Variants in MAP1B observed in about 807,000 individuals in gnomAD.
MAP1B encodes the protein microtubule associated protein 1B.
Under a neutral mutation model 176.1 loss-of-function variants are expected in MAP1B, and 12 were observed. The ratio of observed to expected loss-of-function variants is 0.07; its 90% CI spans 0.04 to 0.11. The LOEUF is 0.11. Among genes scored for constraint, MAP1B ranks in the 10% least tolerant of loss-of-function variants. MAP1B has a pLI of 1.00. For synonymous variants in MAP1B, 1,044 were observed against 1,135.0 expected, an observed-to-expected ratio of 0.92 and a Z score of 1.61; for missense variants, 2,523 against 2,990.5, an observed-to-expected ratio of 0.84 and a Z score of 3.65.
Position 72,162,909 on chromosome 5 carries a change from ATGAGGGGTCTCTG to A in MAP1B, c.287-20830_287-20818del, listed in dbSNP as rs1176694717. Among the ~76,000 whole-genome samples, 4 of 152,242 alleles carry A rather than the reference ATGAGGGGTCTCTG, an allele frequency of 2.6e-5. No homozygotes were observed. In the East Asian group the frequency reaches 7.7e-4, roughly 29 times the overall value. On this transcript the variant is annotated intron_variant, in intron 2 of 6. Coordinates refer to ENST00000296755, the MANE Select transcript of MAP1B (RefSeq NM_005909.5). ...TTTCACTCATCATTTAAAGTTTGTC[ATGAGGGGTCTCTG>A]TGAAAGAAAAATATAGAGGAGCCTC...
At chr5:72,175,388 T>G (rs1266651705) in intron 2 of MAP1B, among the ~76,000 whole-genome samples, 1 of 152,170 alleles carries the variant, frequency 6.6e-6, no homozygotes, top group Non-Finnish European at 1.5e-5. Context: ...GCTTCTGTAC[T>G]TTGTTGAAGA....
chr5:72,194,423 T>C lies in MAP1B; in HGVS notation c.1068T>C (p.Val356=). ...MKNLISPDLG[V]VFLNVPENLK... ...ACCTCATCTCCCCTGACTTAGGAGT[T>C]GTATTTCTCAATGTACCTGAAAATC... is the stretch of plus-strand genomic sequence containing the variant. The change falls in exon 5 of 7, where the codon GTT becomes GTC. Residue 356 remains valine, a synonymous_variant. Coordinates refer to ENST00000296755, the MANE Select transcript of MAP1B (RefSeq NM_005909.5). This position sits in a 1 kb window ranked among gnomAD's most constrained non-coding sequence, Gnocchi z 7.2. 1.2e-6 allele frequency: 2 copies of C among 1,614,138 alleles called. No homozygotes were observed. The highest frequency in any genetic ancestry group is 1.7e-6 in the Non-Finnish European group (2 of 1,180,048).
At chr5:72,112,310 T>C (rs983414836) in intron 1 of MAP1B, among the ~76,000 whole-genome samples, 11 of 152,342 alleles carry the variant, frequency 7.2e-5, no homozygotes, top group Middle Eastern at 3.4e-3. Flanking sequence ...CAATCCACTG[T>C]CACCTTTAGA....
rs1273910441 is a variant in MAP1B at position 72,197,012 on chromosome 5, C to T, written c.3657C>T (p.Ser1219=). The T allele has an allele frequency of 3.7e-6, 6 of 1,614,196 alleles. No homozygotes were observed. The highest frequency in any genetic ancestry group is 5.1e-6 in the Non-Finnish European group (6 of 1,180,034). ...CTTCCATGGAGGAAGACAAATTCAG[C>T]AGATCTGCTTTACGTGATGCTTACT... ...PPSSMEEDKF[S]RSALRDAYCS... Residue 1219 remains serine, a synonymous_variant, in exon 5 of 7, where the codon AGC becomes AGT. Transcript: ENST00000296755.
chr5:72,182,231 T>A (rs981429240), intron 2 of MAP1B, among the ~76,000 whole-genome samples: 2 of 152,070 alleles, frequency 1.3e-5, no homozygotes, highest in Non-Finnish European at 2.9e-5. Context: ...AAGCAATAAC[T>A]CCCCATTCCC....
In MAP1B at chr5:72,199,701, A is replaced by G. The variant is rs754425671; in HGVS notation, c.6346A>G (p.Thr2116Ala). The G allele has an allele frequency of 1.9e-6, 3 of 1,613,934 alleles. No individual in the cohort carries two copies. The African/African-American group carries it at 4.0e-5, about 22-fold the overall frequency. The change falls in exon 5 of 7, where the codon ACT (threonine) becomes GCT (alanine). Residue 2116 changes from threonine (T) to alanine (A), a missense_variant. Coordinates refer to ENST00000296755, the MANE Select transcript of MAP1B (RefSeq NM_005909.5). This position sits in a 1 kb window ranked among gnomAD's most constrained non-coding sequence, Gnocchi z 4.2. Reference protein sequence around the residue: ...PLEWFASEEPTEESEKPLTQS... With the variant: ...PLEWFASEEPAEESEKPLTQS... ...TGAGTGGTTTGCCAGTGAAGAACCC[A>G]CTGAAGAATCTGAAAAGCCCCTCAC...
intron 1 of MAP1B, among the ~76,000 whole-genome samples, chr5:72,108,674 G>A (rs960312635): frequency 6.6e-6 from 1 of 152,038 alleles, no homozygotes; most frequent in Non-Finnish European, 1.5e-5. Flanking sequence ...CGGACCGCCC[G>A]CCACACCTGC....
At chr5:72,108,891 G>T (rs549777389) in intron 1 of MAP1B, among the ~76,000 whole-genome samples, 240 of 152,300 alleles carry the variant, frequency 1.6e-3, no homozygotes, top group African/African-American at 5.6e-3. Flanking sequence ...AGAGGTCGCC[G>T]GGTCCCTCCG....
chr5:72,200,482 G>A, intron 5 of MAP1B, 115 bp downstream of exon 5: 1 of 1,296,068 alleles, frequency 7.7e-7, no homozygotes, highest in Non-Finnish European at 1.1e-6. Context: ...CACAATTGAT[G>A]CTTTACCTTC....
chr5:72,123,956 G>C (rs561666780), intron 2 of MAP1B, among the ~76,000 whole-genome samples: 15 of 152,306 alleles, frequency 9.8e-5, no homozygotes, highest in Non-Finnish European at 2.2e-4. Flanking sequence ...TTTGCGAACT[G>C]TGTATATGTG....
chr5:72,166,351 G>GTGGCCACTGGAA (rs1197973931), intron 2 of MAP1B, among the ~76,000 whole-genome samples: 15 of 152,180 alleles, frequency 9.9e-5, no homozygotes, highest in Admixed American at 6.5e-5. Context: ...AGAGAAAGAA[G>GTGGCCACTGGAA]TGGCCACTGG....
chr5:72,132,590 C>A (rs1049637643), intron 2 of MAP1B, among the ~76,000 whole-genome samples: 1 of 152,166 alleles, frequency 6.6e-6, no homozygotes, highest in Non-Finnish European at 1.5e-5. Context: ...GATTTAAATT[C>A]TGCTATTGCA....
chr5:72,193,747 G>C (rs1747080584), intron 4 of MAP1B, 119 bp from the exon 5 acceptor site: 2 of 1,131,972 alleles, frequency 1.8e-6, no homozygotes, highest in South Asian at 3.3e-5. Context: ...GTGCATGTCT[G>C]AAACTGGTCC....
rs144086236 is a variant in MAP1B at position 72,162,392 on chromosome 5, T to TG, written c.287-21344dup. Among the ~76,000 whole-genome samples the TG allele has an allele frequency of 1.8e-3, 267 of 151,832 alleles. 1 individual carries two copies. Among genetic ancestry groups the TG allele is most frequent in the African/African-American group, 6.2e-3 (254 of 41,268 alleles). On this transcript the variant is annotated intron_variant, in intron 2 of 6. Coordinates refer to ENST00000296755, the MANE Select transcript of MAP1B (RefSeq NM_005909.5). Reference sequence around the variant, plus strand: ...TTCGATGTAAGGGCTGTAACATGACTGGGGGGGCATCTTTTTTTTTTCTCC... The same window carrying TG: ...TTCGATGTAAGGGCTGTAACATGACTGGGGGGGGCATCTTTTTTTTTTCTCC...
chr5:72,171,261 C>T (rs954303156), intron 2 of MAP1B, among the ~76,000 whole-genome samples: 3 of 152,194 alleles, frequency 2.0e-5, no homozygotes, highest in African/African-American at 7.2e-5. Flanking sequence ...GAAAGACCAT[C>T]TGTGGGCCAA....
At position 72,205,449 on chromosome 5, in the gene MAP1B, T is replaced by C; in HGVS notation, c.*210T>C. The C allele has an allele frequency of 1.9e-6, 1 of 520,410 alleles. No individual in the cohort carries two copies. Among genetic ancestry groups the C allele is most frequent in the East Asian group, 3.4e-5 (1 of 29,746 alleles). The allele number at this position is 520,410 out of a possible 1,614,324, so 32.2% of individuals were successfully genotyped here. On this transcript the variant is annotated 3_prime_UTR_variant, in exon 7 of 7. Transcript: ENST00000296755. ...AATAACAGTATTTCCACAATAGGGT[T>C]CAAATTCCTGCAAAATTACCTACCC...
chr5:72,170,643 G>A (rs1328924863), intron 2 of MAP1B, among the ~76,000 whole-genome samples: 2 of 151,922 alleles, frequency 1.3e-5, no homozygotes, highest in African/African-American at 4.8e-5. Flanking sequence ...AACCTGCCAA[G>A]ACCTTGTTGC....
At chr5:72,160,653 C>T (rs542754090) in intron 2 of MAP1B, among the ~76,000 whole-genome samples, 7 of 152,144 alleles carry the variant, frequency 4.6e-5, no homozygotes, top group African/African-American at 7.2e-5. Flanking sequence ...TTCCTTGAGA[C>T]AGATATATAG....
At chr5:72,148,910 C>G (rs772420297) in intron 2 of MAP1B, among the ~76,000 whole-genome samples, 9 of 152,110 alleles carry the variant, frequency 5.9e-5, no homozygotes, top group Non-Finnish European at 1.0e-4. Flanking sequence ...GAGGTTCTTC[C>G]CTACTCATTT....
Sources: gnomAD v4.1 joint callset for allele counts (sites outside exome capture counted in the v4.1 genomes callset) on GRCh38, gnomAD v4.1.1 for gene constraint, Gnocchi (gnomAD v3.1) non-coding constraint, MANE v1.5 for transcripts, NCBI Gene and HGNC (gene_info 2026-07-23, HGNC 2026-07-21) for gene names.